The following PGM5 variants were observed in gnomAD, a reference collection of about 807,000 sequenced individuals.
PGM5 encodes phosphoglucomutase 5, also known as phosphoglucomutase-like protein 5.
PGM5 carries 23 observed loss-of-function variants against 59.2 expected under a neutral mutation model. That is an observed-to-expected ratio of 0.39 (90% CI 0.28 to 0.55). PGM5 has a LOEUF of 0.55. PGM5 is among the 20% of genes least tolerant of loss of function. PGM5 has a pLI of 0.66. For missense variants in PGM5, 574 were observed against 748.3 expected, an observed-to-expected ratio of 0.77 and a Z score of 2.72; for synonymous variants, 214 against 286.0, an observed-to-expected ratio of 0.75 and a Z score of 2.54.
At chr9:68,423,227 T>A (rs1324690617) in intron 6 of PGM5, among the ~76,000 whole-genome samples, 2 of 152,222 alleles carry the variant, frequency 1.3e-5, no homozygotes, top group African/African-American at 4.8e-5. Context: ...TCTTTTCCTC[T>A]GAGTGGACAC....
At chr9:68,405,880 T>C (rs1554681088) in intron 6 of PGM5, 1 of 152,272 alleles carries the variant, frequency 6.6e-6, no homozygotes, top group African/African-American at 2.4e-5. Flanking sequence ...TAATATTCTC[T>C]GTGTAAGGTG....
At chr9:68,487,545 T>C (rs1346065203) in intron 9 of PGM5, among the ~76,000 whole-genome samples, 2 of 151,598 alleles carry the variant, frequency 1.3e-5, no homozygotes, top group Non-Finnish European at 2.9e-5. Context: ...GCCCTAGGGT[T>C]AGAAAACCCT....
intron 9 of PGM5, among the ~76,000 whole-genome samples, chr9:68,489,070 C>T (rs1216994145): frequency 6.6e-6 from 1 of 152,156 alleles, no homozygotes; most frequent in Non-Finnish European, 1.5e-5. Flanking sequence ...GCTAGGTGAG[C>T]TCTTTCTTCC....
At chr9:68,438,485 G>A (rs1248615946) in intron 6 of PGM5, among the ~76,000 whole-genome samples, 2 of 152,062 alleles carry the variant, frequency 1.3e-5, no homozygotes, top group African/African-American at 4.8e-5. Flanking sequence ...AGTGGAGTCA[G>A]GGAATCTGAA....
intron 3 of PGM5, among the ~76,000 whole-genome samples, chr9:68,386,997 G>A (rs1554678901): frequency 6.6e-6 from 1 of 151,762 alleles, no homozygotes; most frequent in African/African-American, 2.4e-5. Context: ...AATGGCTTTT[G>A]GAAAATAGGG....
intron 6 of PGM5, among the ~76,000 whole-genome samples, chr9:68,443,550 A>C (rs1182125982): frequency 6.6e-6 from 1 of 152,230 alleles, no homozygotes; most frequent in Non-Finnish European, 1.5e-5. Context: ...TCTTAATCCT[A>C]ATGTGCTGTG....
intron 6 of PGM5, among the ~76,000 whole-genome samples, chr9:68,429,835 A>G (rs377264164): frequency 6.6e-6 from 1 of 152,342 alleles, no homozygotes; most frequent in African/African-American, 2.4e-5. Flanking sequence ...GATTTACAAC[A>G]GTTTTCTTCT....
intron 10 of PGM5, among the ~76,000 whole-genome samples, chr9:68,504,856 G>A (rs1387540532): frequency 1.3e-5 from 2 of 152,200 alleles, no homozygotes; most frequent in South Asian, 4.2e-4. Context: ...CCAAATTATT[G>A]CAATATTGAC....
intron 10 of PGM5, among the ~76,000 whole-genome samples, chr9:68,519,916 TAAATAAA>T (rs1824874590): frequency 6.7e-6 from 1 of 148,512 alleles, no homozygotes; most frequent in African/African-American, 2.5e-5. Context: ...AATAAATAAA[TAAATAAA>T]TAAATAAATA....
intron 10 of PGM5, among the ~76,000 whole-genome samples, chr9:68,504,238 C>T (rs979026899): frequency 6.6e-6 from 1 of 152,186 alleles, no homozygotes; most frequent in South Asian, 2.1e-4. Flanking sequence ...CACTGATTTC[C>T]CGCCAGCCTC....
intron 6 of PGM5, among the ~76,000 whole-genome samples, chr9:68,423,582 C>T (rs1564001792): frequency 6.6e-6 from 1 of 152,018 alleles, no homozygotes; most frequent in Non-Finnish European, 1.5e-5. Flanking sequence ...GGTTGTTTCT[C>T]TTCCCCTGGA....
chr9:68,434,955 A>G (rs1587809027), intron 6 of PGM5, among the ~76,000 whole-genome samples: 1 of 152,342 alleles, frequency 6.6e-6, no homozygotes, highest in Middle Eastern at 3.4e-3. Flanking sequence ...AGTCACTCGG[A>G]AACACTTGCA....
chr9:68,466,336 C>T (rs1243047765), intron 7 of PGM5: 1 of 398,086 alleles, frequency 2.5e-6, no homozygotes, highest in Non-Finnish European at 3.9e-6. Flanking sequence ...TCTGAAATTC[C>T]CCATCTGTTT....
intron 7 of PGM5, among the ~76,000 whole-genome samples, chr9:68,475,512 AT>A: frequency 6.6e-6 from 1 of 152,094 alleles, no homozygotes; most frequent in South Asian, 2.1e-4. Flanking sequence ...ACATATCTAT[AT>A]TTTTTATAAA....
chr9:68,522,025 C>T (rs1200195356), intron 10 of PGM5, among the ~76,000 whole-genome samples: 1 of 152,174 alleles, frequency 6.6e-6, no homozygotes. Context: ...GAGGCCAAGA[C>T]AGGTGGATCA....
intron 10 of PGM5, among the ~76,000 whole-genome samples, chr9:68,514,789 C>T (rs1554689612): frequency 6.6e-6 from 1 of 152,144 alleles, no homozygotes; most frequent in East Asian, 1.9e-4. Context: ...GGGTGCCTGG[C>T]CTCTATTTCT....
intron 10 of PGM5, among the ~76,000 whole-genome samples, chr9:68,529,256 C>G (rs1825041615): frequency 6.7e-6 from 1 of 149,824 alleles, no homozygotes; most frequent in African/African-American, 2.5e-5. Flanking sequence ...TTTTTCTGAA[C>G]TCCCTTAATT....
intron 9 of PGM5, among the ~76,000 whole-genome samples, chr9:68,484,935 G>T (rs1824270786): frequency 1.3e-5 from 2 of 152,098 alleles, no homozygotes; most frequent in Non-Finnish European, 2.9e-5. Flanking sequence ...TTAGATTCAA[G>T]TCTCATTTTG....
intron 6 of PGM5, among the ~76,000 whole-genome samples, chr9:68,393,238 C>A (rs1822411336): frequency 2.6e-5 from 4 of 151,904 alleles, no homozygotes; most frequent in Non-Finnish European, 1.5e-5. Context: ...ATATCCCCTA[C>A]CTTGGGTTAC....
Sources: gnomAD v4.1 joint callset for allele counts (sites outside exome capture counted in the v4.1 genomes callset) on GRCh38, gnomAD v4.1.1 for gene constraint, MANE v1.5 for transcripts, NCBI Gene and HGNC (gene_info 2026-07-23, HGNC 2026-07-21) for gene names.